The following ZNF821 variants were observed in gnomAD, a reference collection of about 807,000 sequenced individuals.
ZNF821 encodes the protein zinc finger protein 821.
Under a neutral mutation model 44.3 loss-of-function variants are expected in ZNF821, and 16 were observed. The ratio of observed to expected loss-of-function variants is 0.36; its 90% CI spans 0.24 to 0.55. The LOEUF is 0.55. Ranked by LOEUF, ZNF821 falls within the 20% of genes least tolerant of loss-of-function variation. The pLI is 0.86. For synonymous variants in ZNF821, 204 were observed against 197.6 expected (o/e 1.03, Z -0.27); for missense variants, 436 against 547.6 (o/e 0.80, Z 2.03).
Position 71,864,767 on chromosome 16 carries a change from C to A in ZNF821, c.312+136G>T, listed in dbSNP as rs1475196679. On this transcript the variant is annotated intron_variant, in intron 5 of 7. Transcript: ENST00000425432. ...AGAGTCTGAGGTGTGGGTTCTGGTG[C>A]CATGAAGGAAGAGGCCTCCCATGCA... is the stretch of plus-strand genomic sequence containing the variant. 8 of 1,073,660 alleles carry A rather than the reference C, an allele frequency of 7.5e-6. No homozygotes were observed. The East Asian group carries it at 2.0e-4, about 27-fold the overall frequency. 66.5% of individuals were successfully genotyped at this position (1,073,660 alleles called of 1,614,324 possible).
intron 3 of ZNF821, 150 bp downstream of exon 3, chr16:71,879,756 TC>T (rs200362851): frequency 1.3e-6 from 1 of 768,522 alleles, no homozygotes; most frequent in Non-Finnish European, 2.1e-6. Flanking sequence ...TTTCTTTCTT[TC>T]TTTTTTTCTC....
intron 4 of ZNF821, among the ~76,000 whole-genome samples, chr16:71,866,161 T>TGAGGAGCCCCTCTGCCCGGCCAGC (rs2034520475): frequency 6.6e-6 from 1 of 151,714 alleles, no homozygotes; most frequent in Admixed American, 6.6e-5. Flanking sequence ...TAGGGCAGAG[T>TGAGGAGCCCCTCTGCCCGGCCAGC]CTCACCAGGC....
At position 71,860,019 on chromosome 16, in the gene ZNF821, C is replaced by A; in HGVS notation, c.1238G>T (p.Ter413LeuextTer57). The change falls in exon 8 of 8, where the codon TGA (stop) becomes TTA (leucine). Residue 413 changes from the stop codon to leucine (L), a stop_lost. Transcript: ENST00000425432. This position sits in a 1 kb window ranked among gnomAD's most constrained non-coding sequence, Gnocchi z 7.3. ...GGAGGGCAGGCAGGAGGGTGTGGTT[C>A]AGTGCAGAGAGCTGCTGTTCTGCTC... ...FEEQNSSSLH[*>L] 1 of 1,592,566 alleles carries A rather than the reference C, an allele frequency of 6.3e-7. No individual in the cohort carries two copies.
intron 3 of ZNF821, among the ~76,000 whole-genome samples, chr16:71,876,288 C>G (rs1429897256): frequency 6.6e-6 from 1 of 152,162 alleles, no homozygotes; most frequent in African/African-American, 2.4e-5. Context: ...ACTGCAACCT[C>G]TGCCTCCCGA....
upstream of ZNF821, among the ~76,000 whole-genome samples, chr16:71,886,541 C>T (rs1340271655): frequency 6.6e-6 from 1 of 152,194 alleles, no homozygotes; most frequent in African/African-American, 2.4e-5. Flanking sequence ...TAACTTTCCA[C>T]TTGAAATATC....
intron 2 of ZNF821, chr16:71,882,976 G>C (rs1437414413): frequency 8.6e-6 from 3 of 349,276 alleles, no homozygotes; most frequent in Non-Finnish European, 1.7e-5. Context: ...CATGGGCTGG[G>C]AAGACAGGTA....
chr16:71,869,397 C>A (rs757791392), intron 3 of ZNF821, among the ~76,000 whole-genome samples: 13 of 152,108 alleles, frequency 8.5e-5, no homozygotes, highest in Non-Finnish European at 1.9e-4. Context: ...TTCATGTGAT[C>A]CCCTTAGTCA....
intron 1 of ZNF821, among the ~76,000 whole-genome samples, chr16:71,892,826 G>T (rs2036896866): frequency 6.6e-6 from 1 of 150,398 alleles, no homozygotes; most frequent in Non-Finnish European, 1.5e-5. Flanking sequence ...CCGCCTCCCG[G>T]TTCAAGCGAT....
intron 3 of ZNF821, among the ~76,000 whole-genome samples, chr16:71,878,523 G>A (rs1355067683): frequency 2.6e-5 from 4 of 151,780 alleles, no homozygotes; most frequent in African/African-American, 9.7e-5. Flanking sequence ...GTCAATTTAA[G>A]AAGGCACTTT....
rs867295459 is a variant in ZNF821 at position 71,864,308 on chromosome 16, T to C, written c.313-66A>G. Reference sequence around the variant, plus strand: ...TCATCTCTTCCCTGCCCCAGCTTTTTAAACAGGGTATCCTGTTAAAAGGAA... The same window carrying C: ...TCATCTCTTCCCTGCCCCAGCTTTTCAAACAGGGTATCCTGTTAAAAGGAA... On this transcript the variant is annotated intron_variant, in intron 5 of 7. Transcript: ENST00000425432. The C allele has an allele frequency of 2.9e-5, 41 of 1,419,386 alleles. 2 individuals carry two copies. The Middle Eastern group carries it at 3.0e-3, about 103-fold the overall frequency. 87.9% of individuals were successfully genotyped at this position (1,419,386 alleles called of 1,614,324 possible). A position where few individuals can be genotyped will look rare whatever the true frequency, so the allele number is the denominator to read the frequency against.
intron 5 of ZNF821, 156 bp downstream of exon 5, chr16:71,864,747 C>CT (rs1451835863): frequency 3.5e-6 from 3 of 845,674 alleles, no homozygotes; most frequent in Non-Finnish European, 5.5e-6. Flanking sequence ...AACTGAGAGT[C>CT]TGAGGTGTGG....
intron 5 of ZNF821, 83 bp from the exon 6 acceptor site, chr16:71,864,325 T>TTA: frequency 1.7e-6 from 2 of 1,193,698 alleles, no homozygotes; most frequent in Non-Finnish European, 2.5e-6. Context: ...GGTATCCTGT[T>TTA]AAAAGGAACC....
intron 4 of ZNF821, among the ~76,000 whole-genome samples, chr16:71,867,416 G>T (rs1446702443): frequency 6.6e-6 from 1 of 152,206 alleles, no homozygotes; most frequent in Non-Finnish European, 1.5e-5. Context: ...GCCAGGTGCA[G>T]TGGCTCACGC....
chr16:71,864,016 A>G (rs1275194336), intron 6 of ZNF821, 122 bp downstream of exon 6: 3 of 852,454 alleles, frequency 3.5e-6, no homozygotes, highest in Non-Finnish European at 5.8e-6. Flanking sequence ...ACGAATCTTA[A>G]TAGAAGTGAC....
intron 4 of ZNF821, among the ~76,000 whole-genome samples, chr16:71,865,453 ACTT>A (rs1389145239): frequency 6.6e-6 from 1 of 152,134 alleles, no homozygotes; most frequent in Non-Finnish European, 1.5e-5. Flanking sequence ...CCCCTGCACA[ACTT>A]CTCCACGGTG....
chr16:71,875,809 G>C (rs1199753426), intron 3 of ZNF821, among the ~76,000 whole-genome samples: 1 of 152,106 alleles, frequency 6.6e-6, no homozygotes, highest in African/African-American at 2.4e-5. Context: ...ATGTTGTCCA[G>C]GGTGGTCTCA....
chr16:71,872,255 G>A (rs991726053), intron 3 of ZNF821, among the ~76,000 whole-genome samples: 2 of 152,088 alleles, frequency 1.3e-5, no homozygotes, highest in African/African-American at 4.8e-5. Context: ...TGGGTCCTTG[G>A]TGCAGTTAAA....
At chr16:71,869,099 A>C (rs764400506) in intron 3 of ZNF821, among the ~76,000 whole-genome samples, 15 of 152,306 alleles carry the variant, frequency 9.8e-5, no homozygotes, top group East Asian at 1.9e-4. Context: ...TATTTCCAGG[A>C]GACCAGGCAT....
chr16:71,864,802 G>C, intron 5 of ZNF821, 101 bp downstream of exon 5: 2 of 1,471,448 alleles, frequency 1.4e-6, no homozygotes, highest in South Asian at 1.3e-5. Flanking sequence ...AGGCCCAGGA[G>C]ACCATCAGAG....
Sources: gnomAD v4.1 joint callset for allele counts (sites outside exome capture counted in the v4.1 genomes callset) on GRCh38, gnomAD v4.1.1 for gene constraint, Gnocchi (gnomAD v3.1) non-coding constraint, MANE v1.5 for transcripts, NCBI Gene and HGNC (gene_info 2026-07-23, HGNC 2026-07-21) for gene names.